The following LRRC7 variants were observed in gnomAD, a reference collection of about 807,000 sequenced individuals.
LRRC7 encodes leucine-rich repeat-containing protein 7.
A neutral mutation model predicts 175.7 loss-of-function variants in LRRC7; 23 were observed. The observed-to-expected ratio is 0.13, with a 90% CI of 0.09 to 0.19. The LOEUF (loss-of-function observed/expected upper bound fraction) is 0.19, where lower values mean the gene tolerates loss of function less well. LRRC7 is among the 10% of genes least tolerant of loss of function. The pLI is 1.00. For missense variants in LRRC7, 1,354 were observed against 1,904.7 expected, an observed-to-expected ratio of 0.71 and a Z score of 5.38; for synonymous variants, 685 against 680.9, an observed-to-expected ratio of 1.01 and a Z score of -0.09.
At chr1:69,633,746 G>T (rs1439946673) in intron 1 of LRRC7, among the ~76,000 whole-genome samples, 1 of 151,946 alleles carries the variant, frequency 6.6e-6, no homozygotes, top group African/African-American at 2.4e-5. Context: ...CTTTTAAAAG[G>T]TTATATTTTA....
intron 24 of LRRC7, among the ~76,000 whole-genome samples, chr1:70,084,078 G>C (rs1200227102): frequency 1.3e-5 from 2 of 152,190 alleles, no homozygotes; most frequent in East Asian, 3.9e-4. Flanking sequence ...CTATGGTATA[G>C]TGTCCCTGCA....
chr1:70,005,060 A>T (rs1444009770), intron 11 of LRRC7, among the ~76,000 whole-genome samples: 1 of 152,038 alleles, frequency 6.6e-6, no homozygotes, highest in Non-Finnish European at 1.5e-5. Flanking sequence ...CTCGTAACAG[A>T]CCACTTTAAT....
In LRRC7 at chr1:70,133,280, G is replaced by A. The variant is rs1666747485; in HGVS notation, c.*11393G>A. The stretch of plus-strand genomic sequence containing the variant: ...CTGTCGCCCAGGCTGGAGTGCAGTG[G>A]CGCGATCTCGGCTCACTGCAACCTC... On this transcript the variant is annotated 3_prime_UTR_variant, in exon 27 of 27. Transcript: ENST00000651989. Among the ~76,000 whole-genome samples, 1 of 152,040 alleles carries A rather than the reference G, an allele frequency of 6.6e-6. No homozygotes were observed. The highest frequency in any genetic ancestry group is 1.5e-5 in the Non-Finnish European group (1 of 68,004).
intron 1 of LRRC7, among the ~76,000 whole-genome samples, chr1:69,678,041 G>A (rs957901406): frequency 2.0e-5 from 3 of 151,648 alleles, no homozygotes; most frequent in Non-Finnish European, 2.9e-5. Context: ...AACTAATTAC[G>A]TCCCAAAGGC....
At chr1:69,904,668 A>T (rs6683992) in intron 7 of LRRC7, among the ~76,000 whole-genome samples, 1 of 151,866 alleles carries the variant, frequency 6.6e-6, no homozygotes, top group Admixed American at 6.6e-5. Flanking sequence ...TTGTTTTTTT[A>T]CATTTTTAAA....
chr1:70,056,334 A>G (rs1437592223), intron 23 of LRRC7, among the ~76,000 whole-genome samples: 2 of 152,202 alleles, frequency 1.3e-5, no homozygotes, highest in Non-Finnish European at 2.9e-5. Context: ...GATTAGATCA[A>G]TACAGCGATT....
chr1:69,909,653 T>C (rs1338115375), intron 7 of LRRC7, among the ~76,000 whole-genome samples: 2 of 152,198 alleles, frequency 1.3e-5, no homozygotes, highest in African/African-American at 4.8e-5. Context: ...GTTAGTCTGA[T>C]GGGCTTCCCT....
chr1:69,781,721 AAGAAAGAAAGAAAGAGAG>A (rs1673578570), intron 3 of LRRC7, among the ~76,000 whole-genome samples: 7 of 33,440 alleles, frequency 2.1e-4, no homozygotes, highest in East Asian at 1.4e-3. Context: ...GAAAGAAAGA[AAGAAAGAAAGAAAGAGAG>A]AGAGAGAGAG....
intron 7 of LRRC7, among the ~76,000 whole-genome samples, chr1:69,931,128 A>G (rs1570706295): frequency 6.6e-6 from 1 of 152,314 alleles, no homozygotes; most frequent in South Asian, 2.1e-4. Flanking sequence ...ATGGTGCCAT[A>G]TTATGAGATT....
intron 11 of LRRC7, among the ~76,000 whole-genome samples, chr1:70,002,108 G>GC (rs2101930263): frequency 6.6e-6 from 1 of 152,320 alleles, no homozygotes; most frequent in South Asian, 2.1e-4. Flanking sequence ...AGATACCACA[G>GC]ACTGAGCCTT....
chr1:70,091,217 A>G (rs1386492119), intron 25 of LRRC7, among the ~76,000 whole-genome samples: 1 of 152,174 alleles, frequency 6.6e-6, no homozygotes, highest in African/African-American at 2.4e-5. Context: ...ATTTATTACA[A>G]TTAAAATATT....
At position 70,132,014 on chromosome 1, in the gene LRRC7, G is replaced by C. The variant is rs1003190845; in HGVS notation, c.*10127G>C. On this transcript the variant is annotated 3_prime_UTR_variant, in exon 27 of 27. Transcript: ENST00000651989. ...GGCTGGGAAAGAGGGGAATTAATAAGTTATTAAGGAAGAAAGAATGAGAAA... is the reference window on the plus strand; with the variant it reads ...GGCTGGGAAAGAGGGGAATTAATAACTTATTAAGGAAGAAAGAATGAGAAA... 1.3e-5 allele frequency among the ~76,000 whole-genome samples: 2 copies of C among 152,142 alleles called. No homozygotes were observed. Among genetic ancestry groups the C allele is most frequent in the African/African-American group, 4.8e-5 (2 of 41,430 alleles).
At chr1:69,877,641 C>G (rs1028475420) in intron 7 of LRRC7, among the ~76,000 whole-genome samples, 39 of 152,130 alleles carry the variant, frequency 2.6e-4, no homozygotes, top group Non-Finnish European at 3.1e-4. Context: ...GTTCTTCCTG[C>G]TTATTCACAG....
intron 11 of LRRC7, among the ~76,000 whole-genome samples, chr1:70,005,390 G>A (rs1655912330): frequency 1.3e-5 from 2 of 152,140 alleles, no homozygotes; most frequent in African/African-American, 2.4e-5. Context: ...CACCAATGAT[G>A]TTAAAGTGAA....
rs573400688 is a variant in LRRC7, at chr1:69,888,596, A to G, written c.648-42911A>G. 2.0e-5 allele frequency among the ~76,000 whole-genome samples: 3 copies of G among 152,238 alleles called. No individual in the cohort carries two copies. In the South Asian group the frequency reaches 6.2e-4, roughly 32 times the overall value. On this transcript the variant is annotated intron_variant, in intron 7 of 26. Coordinates refer to ENST00000651989, the MANE Select transcript of LRRC7 (RefSeq NM_001370785.2). ...CGTCTTCTGCGTCGCTCACGCTGGG[A>G]GCTGTATACCGGAGCTGTTCCTATT...
chr1:69,907,522 G>A (rs1253927230), intron 7 of LRRC7, among the ~76,000 whole-genome samples: 7 of 152,164 alleles, frequency 4.6e-5, no homozygotes, highest in African/African-American at 9.7e-5. Flanking sequence ...AGATAATCAC[G>A]TGGTTTTTGT....
chr1:70,039,209 C>G lies in LRRC7; in HGVS notation c.3385C>G (p.Pro1129Ala). The change falls in exon 21 of 27, where the codon CCA becomes GCA. Residue 1129 changes from proline to alanine, a missense_variant. Pro to Ala is a conservative substitution (Grantham distance 27). This residue lies in a region of LRRC7 where 1,032 missense variants were observed against 1,227.2 expected (regional missense o/e 0.84). Coordinates refer to ENST00000651989, the MANE Select transcript of LRRC7 (RefSeq NM_001370785.2). ...PMEQMFSFSQ[P>A]SVNEDAVVNA... is the part of the protein sequence containing the mutation. ...GGAGCAAATGTTTTCATTTTCTCAG[C>G]CATCTGTGAATGAGGATGCTGTGGT... 6.2e-7 allele frequency: 1 copy of G among 1,614,082 alleles called. No individual in the cohort carries two copies. The highest frequency in any genetic ancestry group is 8.5e-7 in the Non-Finnish European group (1 of 1,180,004).
intron 1 of LRRC7, among the ~76,000 whole-genome samples, chr1:69,569,190 AT>A (rs1645630243): frequency 6.6e-6 from 1 of 151,224 alleles, no homozygotes; most frequent in Non-Finnish European, 1.5e-5. Context: ...TTTTTATGTG[AT>A]TGGGATTGAA....
chr1:69,574,673 A>G (rs537242345), intron 1 of LRRC7, among the ~76,000 whole-genome samples: 2 of 152,264 alleles, frequency 1.3e-5, no homozygotes, highest in Non-Finnish European at 2.9e-5. Flanking sequence ...AATACTAACT[A>G]CTTAAGTGTT....
Sources: allele counts gnomAD v4.1 joint callset (sites outside exome capture counted in the v4.1 genomes callset), GRCh38; gene constraint gnomAD v4.1.1; regional missense constraint gnomAD v4.1.1; transcripts MANE v1.5; gene names NCBI Gene and HGNC (gene_info 2026-07-23, HGNC 2026-07-21).